PTGER3: variants seen among roughly 807,000 people sequenced by gnomAD.
PTGER3 encodes the protein prostaglandin E2 receptor EP3 subtype.
In PTGER3, 22 loss-of-function variants were observed where a neutral mutation model predicts 34.7. The observed-to-expected ratio is 0.63, with a 90% confidence interval of 0.45 to 0.91. PTGER3 has a LOEUF of 0.91. Among genes scored for constraint, PTGER3 ranks in the 40% least tolerant of loss-of-function variants. The pLI is 0.00. For synonymous variants in PTGER3, 241 were observed against 230.1 expected (o/e 1.05, Z -0.43); for missense variants, 468 against 519.4 (o/e 0.90, Z 0.96).
chr1:70,873,424 G>A (rs1049187816), intron 4 of PTGER3, among the ~76,000 whole-genome samples: 13 of 152,238 alleles, frequency 8.5e-5, no homozygotes, highest in Admixed American at 3.3e-4. Context: ...GGCACGGTGA[G>A]TCATATAATA....
At chr1:70,915,248 T>C (rs755049393) in intron 4 of PTGER3, among the ~76,000 whole-genome samples, 1 of 151,892 alleles carries the variant, frequency 6.6e-6, no homozygotes, top group Non-Finnish European at 1.5e-5. Flanking sequence ...AATGTCCCCC[T>C]CACTAGGCTA....
At chr1:70,949,586 A>G (rs1260564510), downstream of PTGER3, among the ~76,000 whole-genome samples, 6 of 152,216 alleles carry the variant, frequency 3.9e-5, no homozygotes, top group African/African-American at 1.2e-4. Context: ...TTGGAAAGCA[A>G]TGAAATGCAT....
At chr1:70,936,051 T>C (rs1572695810) in intron 4 of PTGER3, among the ~76,000 whole-genome samples, 1 of 152,144 alleles carries the variant, frequency 6.6e-6, no homozygotes, top group Non-Finnish European at 1.5e-5. Flanking sequence ...AAACATCTAG[T>C]ATGAGAAAAG....
chr1:71,045,996 TAA>T (rs1358364436), intron 1 of PTGER3, among the ~76,000 whole-genome samples: 1 of 140,568 alleles, frequency 7.1e-6, no homozygotes, highest in Admixed American at 7.1e-5. Context: ...AATTTGAAAT[TAA>T]AAAAAAAAAA....
intron 2 of PTGER3, among the ~76,000 whole-genome samples, chr1:70,957,335 G>GTT: frequency 6.6e-6 from 1 of 152,224 alleles, no homozygotes; most frequent in East Asian, 1.9e-4. Context: ...AGTTGATAAC[G>GTT]TAACTGCAGG....
Position 70,892,878 on chromosome 1 carries a change from C to T in PTGER3, c.*24-40019G>A, listed in dbSNP as rs969388981. Among the ~76,000 whole-genome samples, 5 of 149,540 alleles carry T rather than the reference C, an allele frequency of 3.3e-5. No individual in the cohort carries two copies. In the East Asian group the frequency reaches 9.7e-4, roughly 29 times the overall value. On this transcript the variant is annotated intron_variant, in intron 4 of 4. Coordinates refer to the PTGER3 transcript ENST00000370931. Reference sequence around the variant, plus strand: ...AAAGAAAGAAAAAAAAGAGTAGGAACATTTCTTACTTCACCTTCATATCTT... The same window carrying T: ...AAAGAAAGAAAAAAAAGAGTAGGAATATTTCTTACTTCACCTTCATATCTT...
chr1:70,878,835 T>C (rs1646326544), intron 4 of PTGER3, among the ~76,000 whole-genome samples: 1 of 152,192 alleles, frequency 6.6e-6, no homozygotes, highest in Non-Finnish European at 1.5e-5. Flanking sequence ...TCCGTGAATG[T>C]AGTTGGTATG....
intron 2 of PTGER3, among the ~76,000 whole-genome samples, chr1:70,957,990 G>A (rs1034585198): frequency 6.6e-6 from 1 of 151,960 alleles, no homozygotes; most frequent in African/African-American, 2.4e-5. Flanking sequence ...GTTCATCTAC[G>A]TTGCTTCAAC....
downstream of PTGER3, among the ~76,000 whole-genome samples, chr1:70,950,080 G>A (rs558451652): frequency 6.6e-6 from 1 of 152,282 alleles, no homozygotes; most frequent in South Asian, 2.1e-4. Context: ...GAAGGGTCAG[G>A]AAAATTTTAA....
chr1:70,941,815 G>T (rs990542842), intron 4 of PTGER3, among the ~76,000 whole-genome samples: 2 of 152,068 alleles, frequency 1.3e-5, no homozygotes, highest in Non-Finnish European at 2.9e-5. Context: ...TACTGAAATA[G>T]CTTCCTCAAT....
At chr1:71,009,926 A>G in intron 2 of PTGER3, 1 of 985,216 alleles carries the variant, frequency 1.0e-6, no homozygotes. Flanking sequence ...AAAGGCTGAA[A>G]TCATTTGGGA....
intron 1 of PTGER3, among the ~76,000 whole-genome samples, chr1:71,016,659 C>G (rs550970635): frequency 1.3e-5 from 2 of 151,806 alleles, no homozygotes; most frequent in Admixed American, 6.6e-5. Context: ...AAAAATTAGC[C>G]GGGCATGATG....
intron 1 of PTGER3, among the ~76,000 whole-genome samples, chr1:71,036,734 G>T (rs932673349): frequency 2.0e-5 from 3 of 151,854 alleles, no homozygotes; most frequent in African/African-American, 7.3e-5. Flanking sequence ...AGCTATTGGG[G>T]AGGCTGAGGC....
intron 1 of PTGER3, among the ~76,000 whole-genome samples, chr1:71,015,365 C>G (rs1235578992): frequency 6.6e-6 from 1 of 152,158 alleles, no homozygotes; most frequent in Non-Finnish European, 1.5e-5. Flanking sequence ...ACGTAGGAAC[C>G]CAGCTCCAAG....
intron 2 of PTGER3, chr1:71,010,632 C>T (rs1478898141): frequency 1.0e-6 from 1 of 984,420 alleles, no homozygotes; most frequent in Admixed American, 6.2e-5. Flanking sequence ...GTAGTTTTGT[C>T]TTATACCCAA....
chr1:71,036,612 G>A (rs561904219), intron 1 of PTGER3, among the ~76,000 whole-genome samples: 47 of 152,266 alleles, frequency 3.1e-4, no homozygotes, highest in Admixed American at 2.4e-3. Flanking sequence ...AGGCCGAGGT[G>A]GGCGGATCAC....
chr1:70,900,352 A>G (rs1463678020), intron 4 of PTGER3, among the ~76,000 whole-genome samples: 1 of 152,042 alleles, frequency 6.6e-6, no homozygotes, highest in African/African-American at 2.4e-5. Flanking sequence ...ATAGGGCTGG[A>G]CCTTGAAGGA....
Position 70,974,386 on chromosome 1 carries a change from G to C in PTGER3, c.1080C>G (p.Ile360Met). The C allele has an allele frequency of 2.0e-6, 2 of 1,002,970 alleles. No individual in the cohort carries two copies. Among genetic ancestry groups the C allele is most frequent in the Non-Finnish European group, 3.2e-6 (2 of 621,800 alleles). 62.1% of individuals were successfully genotyped at this position (1,002,970 alleles called of 1,614,324 possible). A position where few individuals can be genotyped will look rare whatever the true frequency, so the allele number is the denominator to read the frequency against. The change falls in exon 3 of 4, where the codon ATC (isoleucine) becomes ATG (methionine). Residue 360 changes from isoleucine (I) to methionine (M), a missense_variant and splice_region_variant. This residue lies in a region of PTGER3 where 57 missense variants were observed against 43.8 expected (regional missense o/e 1.30). Transcript: ENST00000306666. The stretch of plus-strand genomic sequence containing the variant: ...ATGCATAGTTGTTTGTGTGGTACCT[G>C]ATCTGTGAACAGACAGAGGATTTCA... The part of the protein sequence containing the change: ...RKILLRKFCQ[I>M]RYHTNNYASS...
rs1653003256 is a variant in PTGER3, at chr1:70,970,817, C to T, written c.*913G>A. The T allele has an allele frequency of 1.1e-6, 1 of 882,826 alleles. No individual in the cohort carries two copies. Among genetic ancestry groups the T allele is most frequent in the South Asian group, 5.2e-5 (1 of 19,056 alleles). 54.7% of individuals were successfully genotyped at this position (882,826 alleles called of 1,614,324 possible). A position where few individuals can be genotyped will look rare whatever the true frequency, so the allele number is the denominator to read the frequency against. The stretch of plus-strand genomic sequence containing the variant: ...GTCCACAAAGTTTTTTATTTTAATA[C>T]AGACAAAATAGATTCTTTTATTTTA... On this transcript the variant is annotated 3_prime_UTR_variant, in exon 4 of 4. Coordinates refer to ENST00000306666, the MANE Select transcript of PTGER3 (RefSeq NM_198719.2).
Sources: allele counts gnomAD v4.1 joint callset (sites outside exome capture counted in the v4.1 genomes callset), GRCh38; gene constraint gnomAD v4.1.1; regional missense constraint gnomAD v4.1.1; transcripts MANE v1.5; gene names NCBI Gene and HGNC (gene_info 2026-07-23, HGNC 2026-07-21).